Variants in ZNF362 observed in about 807,000 individuals in gnomAD.
ZNF362 encodes rotund homolog.
In ZNF362, 11 loss-of-function variants were observed where a neutral mutation model predicts 42.9. The ratio of observed to expected loss-of-function variants is 0.26; its 90% confidence interval spans 0.16 to 0.42. The LOEUF is 0.42. ZNF362 is among the 20% of genes least tolerant of loss of function. ZNF362 has a pLI of 1.00. For synonymous variants in ZNF362, 255 were observed against 257.3 expected, an observed-to-expected ratio of 0.99 and a Z score of 0.09; for missense variants, 362 against 576.2, an observed-to-expected ratio of 0.63 and a Z score of 3.81.
At chr1:33,181,256 C>T in the ZNF362 span, 1 of 1,548,068 alleles carries the variant, frequency 6.5e-7, no homozygotes, top group Admixed American at 2.0e-5. This position sits in a 1 kb window ranked among gnomAD's most constrained non-coding sequence, Gnocchi z 6.5. Context: ...CCAGCGCGGG[C>T]TCGGCGAACG....
chr1:33,159,570 TGAA>T, the ZNF362 span: 1 of 1,383,168 alleles, frequency 7.2e-7, no homozygotes, highest in Non-Finnish European at 9.6e-7. The surrounding 1 kb of genome is among the most constrained non-coding windows in gnomAD (Gnocchi z 4.2). Flanking sequence ...AAATGTTTGA[TGAA>T]GATTTGAATG....
chr1:33,284,538 T>C (rs1463140815), intron 6 of ZNF362, among the ~76,000 whole-genome samples: 1 of 152,242 alleles, frequency 6.6e-6, no homozygotes, highest in Admixed American at 6.5e-5. Flanking sequence ...TTTGTTGTTT[T>C]CAATAGAATG....
At chr1:33,203,798 C>A in the ZNF362 span, among the ~76,000 whole-genome samples, 1 of 152,068 alleles carries the variant, frequency 6.6e-6, no homozygotes, top group Non-Finnish European at 1.5e-5. Flanking sequence ...CAGTCCTTTG[C>A]GCATTTTTTA....
At chr1:33,224,746 G>A in the ZNF362 span, among the ~76,000 whole-genome samples, 2 of 152,158 alleles carry the variant, frequency 1.3e-5, no homozygotes, top group Non-Finnish European at 2.9e-5. Flanking sequence ...TTGAAGAGAT[G>A]ATGGTTGAGA....
In ZNF362 at chr1:33,280,219, A is replaced by G; in HGVS notation, c.445A>G (p.Thr149Ala). The change falls in exon 5 of 9, where the codon ACC (threonine) becomes GCC (alanine). Residue 149 changes from threonine (T) to alanine (A), a missense_variant. By Grantham distance (58) the Thr-to-Ala change is moderately conservative (BLOSUM62 0). This residue lies in a region of ZNF362 where 266 missense variants were observed against 365.4 expected (regional missense o/e 0.73). Transcript: ENST00000539719. This position sits in a 1 kb window ranked among gnomAD's most constrained non-coding sequence, Gnocchi z 5.6. The part of the protein sequence containing the change: ...GTGTSTPSTP[T>A]TTSQSRLIAS... ...GGGTACCAGCACCCCGTCCACACCC[A>G]CCACCACCAGCCAGAGCCGCCTCAT... is the stretch of plus-strand genomic sequence containing the variant. 1 of 1,613,586 alleles carries G rather than the reference A, an allele frequency of 6.2e-7. No homozygotes were observed. The highest frequency in any genetic ancestry group is 8.5e-7 in the Non-Finnish European group (1 of 1,179,778).
chr1:33,189,675 A>ATATG, the ZNF362 span, among the ~76,000 whole-genome samples: 1 of 39,006 alleles, frequency 2.6e-5, no homozygotes, highest in Non-Finnish European at 6.0e-5. Flanking sequence ...ATATATATGT[A>ATATG]TATATATACG....
chr1:33,299,146 C>T lies in ZNF362; in HGVS notation c.*100C>T. 1.1e-6 allele frequency: 1 copy of T among 874,440 alleles called. No homozygotes were observed. The highest frequency in any genetic ancestry group is 1.8e-6 in the Non-Finnish European group (1 of 543,686). 54.2% of individuals were successfully genotyped at this position (874,440 alleles called of 1,614,324 possible). A position where few individuals can be genotyped will look rare whatever the true frequency, so the allele number is the denominator to read the frequency against. Reference sequence around the variant, plus strand: ...CGGGGGCCCTCCAGGAACCACCAAGCTCTCTCACGACCTTCCCAATCTTCC... The same window carrying T: ...CGGGGGCCCTCCAGGAACCACCAAGTTCTCTCACGACCTTCCCAATCTTCC... On this transcript the variant is annotated 3_prime_UTR_variant, in exon 9 of 9. Coordinates refer to ENST00000539719, the MANE Select transcript of ZNF362 (RefSeq NM_152493.3).
the ZNF362 span, among the ~76,000 whole-genome samples, chr1:33,225,400 T>A: frequency 6.6e-6 from 1 of 152,220 alleles, no homozygotes; most frequent in Non-Finnish European, 1.5e-5. Context: ...TTTACCTAAA[T>A]GTAAGCTGAT....
chr1:33,249,339 G>T, the ZNF362 span, among the ~76,000 whole-genome samples: 2 of 152,220 alleles, frequency 1.3e-5, no homozygotes, highest in African/African-American at 4.8e-5. Flanking sequence ...AACAGTTCTA[G>T]TTGGGGATGA....
the ZNF362 span, among the ~76,000 whole-genome samples, chr1:33,172,837 AG>A: frequency 6.6e-6 from 1 of 152,198 alleles, no homozygotes; most frequent in South Asian, 2.1e-4. Context: ...CTCTGGCTTC[AG>A]GGACTCTTCA....
the ZNF362 span, among the ~76,000 whole-genome samples, chr1:33,179,248 C>A: frequency 2.0e-5 from 3 of 152,220 alleles, no homozygotes; most frequent in Non-Finnish European, 4.4e-5. Flanking sequence ...CTCCCAGAGG[C>A]CCAGGCCCTT....
the ZNF362 span, among the ~76,000 whole-genome samples, chr1:33,231,707 C>A: frequency 6.6e-6 from 1 of 152,054 alleles, no homozygotes; most frequent in African/African-American, 2.4e-5. Flanking sequence ...TCATTGTGTC[C>A]CCACTACAAA....
At chr1:33,224,250 T>C in the ZNF362 span, among the ~76,000 whole-genome samples, 1 of 152,124 alleles carries the variant, frequency 6.6e-6, no homozygotes, top group African/African-American at 2.4e-5. Context: ...CTGGAAACTA[T>C]AGAAATTATC....
chr1:33,165,332 C>CCAGA, the ZNF362 span: 1 of 707,640 alleles, frequency 1.4e-6, no homozygotes. The surrounding 1 kb of genome is among the most constrained non-coding windows in gnomAD (Gnocchi z 4.0). Context: ...CCCTGCCCTT[C>CCAGA]TCACTCCAGG....
the ZNF362 span, among the ~76,000 whole-genome samples, chr1:33,136,221 T>C: frequency 1.2e-4 from 18 of 149,232 alleles, no homozygotes; most frequent in Admixed American, 3.4e-4. Context: ...CTTCCTTCCC[T>C]CCTTTCTTTC....
At chr1:33,182,419 T>C in the ZNF362 span, among the ~76,000 whole-genome samples, 19 of 152,358 alleles carry the variant, frequency 1.2e-4, no homozygotes, top group Admixed American at 1.0e-3. Context: ...AATATAAAGA[T>C]AAAACTCTTG....
the ZNF362 span, chr1:33,194,689 T>G: frequency 1.3e-5 from 2 of 152,054 alleles, no homozygotes; most frequent in African/African-American, 4.8e-5. Flanking sequence ...TACTATAATG[T>G]TATAATGTTA....
At chr1:33,282,275 C>G (rs190709440) in intron 6 of ZNF362, among the ~76,000 whole-genome samples, 51 of 152,326 alleles carry the variant, frequency 3.3e-4, no homozygotes, top group Admixed American at 8.5e-4. Context: ...TCAGTCTCCT[C>G]CATTTCCATA....
the ZNF362 span, among the ~76,000 whole-genome samples, chr1:33,230,838 C>T: frequency 2.6e-5 from 4 of 152,280 alleles, no homozygotes; most frequent in Non-Finnish European, 5.9e-5. Flanking sequence ...AAGGCCAGCA[C>T]TCTGAAAGAA....
Sources: gnomAD v4.1 joint callset for allele counts (sites outside exome capture counted in the v4.1 genomes callset) on GRCh38, gnomAD v4.1.1 for gene constraint, gnomAD v4.1.1 regional missense constraint, Gnocchi (gnomAD v3.1) non-coding constraint, MANE v1.5 for transcripts, NCBI Gene and HGNC (gene_info 2026-07-23, HGNC 2026-07-21) for gene names.